CORO7: variants seen among roughly 807,000 people sequenced by gnomAD.
CORO7 encodes coronin-7.
A neutral mutation model predicts 126.6 loss-of-function variants in CORO7; 107 were observed. The ratio of observed to expected loss-of-function variants is 0.85; its 90% CI spans 0.72 to 0.99. The LOEUF (loss-of-function observed/expected upper bound fraction) is 0.99. Ranked by LOEUF, CORO7 falls within the 50% of genes least tolerant of loss-of-function variation. The pLI, the probability that CORO7 is intolerant of heterozygous loss-of-function variation, is 0.00. For missense variants in CORO7, 1,314 were observed against 1,255.8 expected, an observed-to-expected ratio of 1.05 and a Z score of -0.70; for synonymous variants, 603 against 536.8, an observed-to-expected ratio of 1.12 and a Z score of -1.70.
chr16:4,388,399 G>A (rs1265209350), intron 8 of CORO7, 146 bp downstream of exon 8: 1 of 908,054 alleles, frequency 1.1e-6, no homozygotes, highest in Non-Finnish European at 1.7e-6. Context: ...CTGAGGCTCT[G>A]AGACCCGGCA....
intron 5 of CORO7, among the ~76,000 whole-genome samples, chr16:4,406,928 C>T (rs2056020334): frequency 6.6e-6 from 1 of 152,052 alleles, no homozygotes; most frequent in Non-Finnish European, 1.5e-5. Context: ...CGTGAGCCAC[C>T]GCGCCCGGCC....
intron 6 of CORO7, among the ~76,000 whole-genome samples, chr16:4,402,529 G>C (rs904966029): frequency 1.3e-5 from 2 of 152,224 alleles, no homozygotes; most frequent in African/African-American, 4.8e-5. Context: ...TGACAGGCGT[G>C]AGCCAGCGAC....
chr16:4,364,917 G>T lies in CORO7; in HGVS notation c.902C>A (p.Thr301Asn), dbSNP rs778377658. 5.6e-6 allele frequency: 9 copies of T among 1,610,266 alleles called. No homozygotes were observed. The highest frequency in any genetic ancestry group is 7.6e-6 in the Non-Finnish European group (9 of 1,178,918). Residue 301 changes from threonine to asparagine, a missense_variant, in exon 12 of 28, where the codon ACC becomes AAC. By Grantham distance (65) the Thr-to-Asn change is moderately conservative. Coordinates refer to ENST00000251166, the MANE Select transcript of CORO7 (RefSeq NM_024535.5). Reference protein sequence around the residue: ...VPQQPALSPVTQCVLESVLRG... With the variant: ...VPQQPALSPVNQCVLESVLRG... ...CAGCACGCTCTCCAGGACACACTGG[G>T]TCACTGTTGAGGACACCATAGGGGA...
At chr16:4,409,754 T>C (rs2056134340) in intron 3 of CORO7, among the ~76,000 whole-genome samples, 1 of 152,220 alleles carries the variant, frequency 6.6e-6, no homozygotes, top group Admixed American at 6.5e-5. Flanking sequence ...TTGCTCACCC[T>C]CTGCTCCCCT....
Position 4,359,522 on chromosome 16 carries a change from G to T in CORO7, c.2208C>A (p.Pro736=). ...GLDVAPSTLL[P]SYDPDTGLVL... is the part of the protein sequence containing the mutation. ...CCAGGCCAGTGTCTGGGTCGTAGCT[G>T]GGCAGCAGGGTTGAGGGAGCCACGT... Residue 736 remains proline (P), a synonymous_variant, in exon 22 of 28, where the codon CCC becomes CCA. Transcript: ENST00000251166. 1 of 1,613,420 alleles carries T rather than the reference G, an allele frequency of 6.2e-7. No individual in the cohort carries two copies. The highest frequency in any genetic ancestry group is 1.1e-5 in the South Asian group (1 of 91,072).
intron 21 of CORO7, 107 bp downstream of exon 21, chr16:4,360,171 T>G: frequency 7.0e-7 from 1 of 1,424,942 alleles, no homozygotes; most frequent in Non-Finnish European, 9.7e-7. Flanking sequence ...AACCATCCAG[T>G]GAGGGGCAGG....
intron 6 of CORO7, among the ~76,000 whole-genome samples, chr16:4,403,016 G>A (rs548385038): frequency 6.6e-6 from 1 of 152,270 alleles, no homozygotes; most frequent in African/African-American, 2.4e-5. Context: ...CCAGGAAGGA[G>A]ATGGGGCGGG....
In CORO7 at chr16:4,388,645, G is replaced by T; in HGVS notation, c.616-14C>A. 1 of 1,607,412 alleles carries T rather than the reference G, an allele frequency of 6.2e-7. No individual in the cohort carries two copies. Among genetic ancestry groups the T allele is most frequent in the Non-Finnish European group, 8.5e-7 (1 of 1,177,994 alleles). The stretch of plus-strand genomic sequence containing the variant: ...GGCCTGCGTGCTCTGCAGGAGGCAA[G>T]AGGTGGACCTGAGCCCCCAGGGCCC... On this transcript the variant is annotated splice_polypyrimidine_tract_variant and intron_variant, in intron 7 of 27. Transcript: ENST00000251166.
chr16:4,390,107 G>T (rs2055335577), intron 7 of CORO7, among the ~76,000 whole-genome samples: 1 of 152,164 alleles, frequency 6.6e-6, no homozygotes, highest in South Asian at 2.1e-4. Flanking sequence ...GGTAGATGTA[G>T]GCCAAAGAGA....
chr16:4,355,634 A>G, intron 26 of CORO7: 1 of 439,626 alleles, frequency 2.3e-6, no homozygotes, highest in South Asian at 3.4e-5. Flanking sequence ...ATGCCCGGCT[A>G]ATTTTTTGTA....
In CORO7 at chr16:4,362,838, G is replaced by T; in HGVS notation, c.1276-100C>A. 1 of 1,243,684 alleles carries T rather than the reference G, an allele frequency of 8.0e-7. No individual in the cohort carries two copies. The allele number at this position is 1,243,684 out of a possible 1,614,324, so 77.0% of individuals were successfully genotyped here. ...AGGGTCACCACTCTGGGCCCCCTGC[G>T]GACTGGAGGAGCCCCCACTGTGGGC... On this transcript the variant is annotated intron_variant, in intron 14 of 27. Coordinates refer to ENST00000251166, the MANE Select transcript of CORO7 (RefSeq NM_024535.5). The surrounding 1 kb of genome is among the most constrained non-coding windows in gnomAD (Gnocchi z 5.3).
chr16:4,365,957 T>C (rs2054334049), intron 9 of CORO7, among the ~76,000 whole-genome samples: 1 of 152,150 alleles, frequency 6.6e-6, no homozygotes, highest in Admixed American at 6.5e-5. Flanking sequence ...CCGTCCCCAC[T>C]CGGCACTGCC....
chr16:4,358,376 G>C lies in CORO7; in HGVS notation c.2448C>G (p.Pro816=). ...AGGTCCCCACCCTCACCCGGACTCG[G>C]GGCAGCCGGAAGGCCACAGGCTCCA... ...SSLEPVAFRL[P]RVRKEFFQDD... is the part of the protein sequence containing the mutation. Residue 816 remains proline, a synonymous_variant, in exon 24 of 28, where the codon CCC becomes CCG. Transcript: ENST00000251166. 6.2e-7 allele frequency: 1 copy of C among 1,612,496 alleles called. No individual in the cohort carries two copies. Among genetic ancestry groups the C allele is most frequent in the Non-Finnish European group, 8.5e-7 (1 of 1,179,712 alleles).
intron 9 of CORO7, among the ~76,000 whole-genome samples, chr16:4,365,994 T>C (rs1255879070): frequency 6.6e-6 from 1 of 152,196 alleles, no homozygotes; most frequent in East Asian, 1.9e-4. Context: ...CCGGGAGCAG[T>C]GCAGGCAGCC....
Position 4,360,349 on chromosome 16 carries a change from G to A in CORO7, c.2037C>T (p.Pro679=). The part of the protein sequence containing the change: ...GPEPLQEGPG[P]KGGRGARIVW... ...CAATGCGAGCTCCGCGTCCTCCCTT[G>A]GGCCCTGGGCCTTCCTGTTGAGATA... The change falls in exon 21 of 28, where the codon CCC becomes CCT. Residue 679 remains proline (P), a synonymous_variant. Coordinates refer to ENST00000251166, the MANE Select transcript of CORO7 (RefSeq NM_024535.5). 1 of 1,613,632 alleles carries A rather than the reference G, an allele frequency of 6.2e-7. No individual in the cohort carries two copies. Among genetic ancestry groups the A allele is most frequent in the Non-Finnish European group, 8.5e-7 (1 of 1,179,992 alleles).
intron 1 of CORO7, 162 bp from the exon 2 acceptor site, chr16:4,413,566 C>G (rs1259272416): frequency 3.3e-6 from 2 of 615,358 alleles, no homozygotes; most frequent in Non-Finnish European, 5.4e-6. Flanking sequence ...GAGACAGGGT[C>G]TCACTCTGTC....
At chr16:4,365,677 G>T (rs1294469382) in intron 9 of CORO7, 132 bp from the exon 10 acceptor site, 3 of 1,239,410 alleles carry the variant, frequency 2.4e-6, no homozygotes, top group Non-Finnish European at 3.4e-6. Flanking sequence ...GTTCAGCCTG[G>T]TCCCCAGGAA....
rs2053938395 is a variant in CORO7 at position 4,355,266 on chromosome 16, T to C, written c.2772+20A>G. 3 of 1,612,750 alleles carry C rather than the reference T, an allele frequency of 1.9e-6. No individual in the cohort carries two copies. The highest frequency in any genetic ancestry group is 1.7e-5 in the Admixed American group (1 of 59,922). Reference sequence around the variant, plus strand: ...AGGGACCGCGCTGCCTGCCGGGAAGTGAGGCCACTCACTACTCACCCACTC... The same window carrying C: ...AGGGACCGCGCTGCCTGCCGGGAAGCGAGGCCACTCACTACTCACCCACTC... On this transcript the variant is annotated intron_variant, in intron 27 of 27. Transcript: ENST00000251166.
rs996801480 is a variant in CORO7 at position 4,362,552 on chromosome 16, G to A, written c.1402+60C>T. 1.8e-5 allele frequency: 27 copies of A among 1,486,430 alleles called. 1 individual carries two copies. The highest frequency in any genetic ancestry group is 1.5e-4 in the South Asian group (11 of 71,934). The allele number at this position is 1,486,430 out of a possible 1,614,324, so 92.1% of individuals were successfully genotyped here. A position where few individuals can be genotyped will look rare whatever the true frequency, so the allele number is the denominator to read the frequency against. ...GCAGTAGGGTACACAGGAGGATGAC[G>A]GGGAGTGGGGCAGACAGGGCTCCTG... On this transcript the variant is annotated intron_variant, in intron 15 of 27. Coordinates refer to ENST00000251166, the MANE Select transcript of CORO7 (RefSeq NM_024535.5). This position sits in a 1 kb window ranked among gnomAD's most constrained non-coding sequence, Gnocchi z 5.3.
Sources: gnomAD v4.1 joint callset for allele counts (sites outside exome capture counted in the v4.1 genomes callset) on GRCh38, gnomAD v4.1.1 for gene constraint, Gnocchi (gnomAD v3.1) non-coding constraint, MANE v1.5 for transcripts, NCBI Gene and HGNC (gene_info 2026-07-23, HGNC 2026-07-21) for gene names.